LRIG2: variants seen among roughly 807,000 people sequenced by gnomAD.
LRIG2 encodes the protein leucine rich repeats and immunoglobulin like domains 2, also known as leucine-rich repeats and immunoglobulin-like domains protein 2.
In LRIG2, 93 loss-of-function variants were observed where a neutral mutation model predicts 107.8. The ratio of observed to expected loss-of-function variants is 0.86; its 90% CI spans 0.73 to 1.03. LRIG2 has a LOEUF of 1.03. LRIG2 is among the 50% of genes least tolerant of loss of function. LRIG2 has a pLI of 0.00. For synonymous variants in LRIG2, 471 were observed against 470.6 expected (o/e 1.00, Z -0.01); for missense variants, 1,226 against 1,296.0 (o/e 0.95, Z 0.83).
At chr1:113,075,748 T>G (rs1652950276) in intron 1 of LRIG2, among the ~76,000 whole-genome samples, 1 of 137,478 alleles carries the variant, frequency 7.3e-6, no homozygotes, top group Non-Finnish European at 1.5e-5. Context: ...CAGGCTGGAG[T>G]GCAATGGTGT....
At chr1:113,113,420 A>C (rs557181664) in intron 14 of LRIG2, among the ~76,000 whole-genome samples, 4 of 151,194 alleles carry the variant, frequency 2.6e-5, no homozygotes, top group African/African-American at 7.3e-5. Context: ...TCCAGGGTAA[A>C]TTCTACTTTC....
chr1:113,076,546 G>C (rs1652991595), intron 1 of LRIG2, among the ~76,000 whole-genome samples: 2 of 152,172 alleles, frequency 1.3e-5, no homozygotes, highest in African/African-American at 4.8e-5. Flanking sequence ...TACATTGGTA[G>C]AACTCTTAGA....
intron 1 of LRIG2, among the ~76,000 whole-genome samples, chr1:113,079,346 T>TAA (rs141538883): frequency 0.012 from 1,466 of 123,138 alleles, 15 homozygotes; most frequent in Non-Finnish European, 0.016. Context: ...AGATCCTATT[T>TAA]AAAAAAAAAA....
In LRIG2 at chr1:113,124,403, G is replaced by C. The variant is rs188025838; in HGVS notation, c.*302G>C. 4.8e-6 allele frequency: 2 copies of C among 419,194 alleles called. No homozygotes were observed. Among genetic ancestry groups the C allele is most frequent in the Admixed American group, 7.8e-5 (2 of 25,532 alleles). The allele number at this position is 419,194 out of a possible 1,614,324, so 26.0% of individuals were successfully genotyped here. On this transcript the variant is annotated 3_prime_UTR_variant, in exon 18 of 18. Transcript: ENST00000361127. ...GCCCTGGTGTGCATCTGCTTGTCAG[G>C]AAGAGTCACATTGCTGCTTAACATG... is the stretch of plus-strand genomic sequence containing the variant.
intron 9 of LRIG2, 108 bp from the exon 10 acceptor site, chr1:113,100,102 TA>T: frequency 1.8e-6 from 1 of 559,550 alleles, no homozygotes; most frequent in East Asian, 2.9e-5. Flanking sequence ...AGCTGTTAAG[TA>T]TATAAAAAAG....
At chr1:113,119,772 G>A (rs1212951299) in intron 17 of LRIG2, among the ~76,000 whole-genome samples, 1 of 152,098 alleles carries the variant, frequency 6.6e-6, no homozygotes, top group African/African-American at 2.4e-5. Flanking sequence ...AAAATTCAGA[G>A]GCCATACACA....
At chr1:113,088,082 G>T (rs1485269087) in intron 1 of LRIG2, among the ~76,000 whole-genome samples, 1 of 152,180 alleles carries the variant, frequency 6.6e-6, no homozygotes, top group Non-Finnish European at 1.5e-5. Flanking sequence ...ATGTATATTA[G>T]TTGCTTTCTA....
rs149083239 is a variant in LRIG2 at position 113,116,320 on chromosome 1, A to G, written c.2564A>G (p.Tyr855Cys). The G allele has an allele frequency of 3.2e-5, 51 of 1,613,714 alleles. No individual in the cohort carries two copies. The highest frequency in any genetic ancestry group is 4.2e-5 in the Non-Finnish European group (50 of 1,179,816). ...AATCTGCCTGCAGACATTCCCAGCT[A>G]CTTGTCTTCCCAAGGAACGCTGTCT... is the stretch of plus-strand genomic sequence containing the variant. Reference protein sequence around the residue: ...ELNLPADIPSYLSSQGTLSEP... With the variant: ...ELNLPADIPSCLSSQGTLSEP... Residue 855 changes from tyrosine to cysteine, a missense_variant, in exon 16 of 18, where the codon TAC becomes TGC. Physicochemically the swap from Tyr to Cys is radical, Grantham distance 194. Around this residue, in one of 3 missense-constraint regions of LRIG2, gnomAD observed 642 missense variants for 712.2 expected, o/e 0.90. Transcript: ENST00000361127.
intron 1 of LRIG2, among the ~76,000 whole-genome samples, chr1:113,084,978 A>G (rs949480627): frequency 1.3e-5 from 2 of 152,258 alleles, no homozygotes; most frequent in Non-Finnish European, 2.9e-5. Flanking sequence ...CAATTTAAGT[A>G]ATTACACTCT....
rs1322798175 is a variant in LRIG2 at position 113,125,757 on chromosome 1, T to C, written c.*1656T>C. The C allele has an allele frequency of 6.6e-6, 1 of 152,230 alleles. No individual in the cohort carries two copies. Among genetic ancestry groups the C allele is most frequent in the Non-Finnish European group, 1.5e-5 (1 of 68,042 alleles). 9.4% of individuals were successfully genotyped at this position (152,230 alleles called of 1,614,324 possible). A position where few individuals can be genotyped will look rare whatever the true frequency, so the allele number is the denominator to read the frequency against. On this transcript the variant is annotated 3_prime_UTR_variant, in exon 18 of 18. Coordinates refer to ENST00000361127, the MANE Select transcript of LRIG2 (RefSeq NM_014813.3). ...TACAAATCACTATCACTGTCCATAT[T>C]TGAGTCTGCAAATCTTGTCATTGTC...
chr1:113,117,671 A>G (rs1655075834), intron 16 of LRIG2, among the ~76,000 whole-genome samples: 1 of 151,770 alleles, frequency 6.6e-6, no homozygotes, highest in South Asian at 2.1e-4. Context: ...TTTAGTAGAG[A>G]CGGGTTTCAC....
intron 1 of LRIG2, among the ~76,000 whole-genome samples, chr1:113,086,874 G>A (rs976759233): frequency 2.0e-5 from 3 of 152,152 alleles, no homozygotes; most frequent in African/African-American, 7.2e-5. Flanking sequence ...TCAGATATTA[G>A]TGGTGTTAGA....
rs1655402053 is a variant in LRIG2 at position 113,124,388 on chromosome 1, G to A, written c.*287G>A. The A allele has an allele frequency of 6.7e-6, 3 of 448,644 alleles. No homozygotes were observed. The highest frequency in any genetic ancestry group is 2.4e-5 in the South Asian group (1 of 41,646). 27.8% of individuals were successfully genotyped at this position (448,644 alleles called of 1,614,324 possible). On this transcript the variant is annotated 3_prime_UTR_variant, in exon 18 of 18. Coordinates refer to ENST00000361127, the MANE Select transcript of LRIG2 (RefSeq NM_014813.3). Reference sequence around the variant, plus strand: ...CTTCCATGGGGATGTGCCCTGGTGTGCATCTGCTTGTCAGGAAGAGTCACA... The same window carrying A: ...CTTCCATGGGGATGTGCCCTGGTGTACATCTGCTTGTCAGGAAGAGTCACA...
chr1:113,123,228 A>G (rs1175913910), intron 17 of LRIG2, among the ~76,000 whole-genome samples: 1 of 152,268 alleles, frequency 6.6e-6, no homozygotes, highest in Non-Finnish European at 1.5e-5. Flanking sequence ...TCATTACAAT[A>G]TGGATACCAT....
At position 113,131,785 on chromosome 1, in the gene LRIG2, CAGT is replaced by C. The variant is rs754697902; in HGVS notation, c.*7689_*7691del. The C allele has an allele frequency of 6.8e-6, 1 of 147,976 alleles. No homozygotes were observed. The highest frequency in any genetic ancestry group is 1.5e-5 in the Non-Finnish European group (1 of 67,500). 9.2% of individuals were successfully genotyped at this position (147,976 alleles called of 1,614,324 possible). ...CCCAAGAATCATCTGAAGGTTTTGTCAGTAGTAAGGTAGGTTTTGTGTGTGTGT... is the reference window on the plus strand; with the variant it reads ...CCCAAGAATCATCTGAAGGTTTTGTCAGTAAGGTAGGTTTTGTGTGTGTGT... On this transcript the variant is annotated 3_prime_UTR_variant, in exon 18 of 18. Coordinates refer to ENST00000361127, the MANE Select transcript of LRIG2 (RefSeq NM_014813.3).
rs1350732425 is a variant in LRIG2 at position 113,107,514 on chromosome 1, G to A, written c.1314-80G>A. 10 of 1,267,696 alleles carry A rather than the reference G, an allele frequency of 7.9e-6. No individual in the cohort carries two copies. In the East Asian group the frequency reaches 2.2e-4, roughly 28 times the overall value. The allele number at this position is 1,267,696 out of a possible 1,614,324, so 78.5% of individuals were successfully genotyped here. A position where few individuals can be genotyped will look rare whatever the true frequency, so the allele number is the denominator to read the frequency against. ...TTTTTGGCAAGAATAATGGATAGGT[G>A]TGTGGTAAGGTTTTAATACTGAAGA... On this transcript the variant is annotated intron_variant, in intron 11 of 17. Transcript: ENST00000361127.
chr1:113,100,188 A>G (rs1557908174), intron 9 of LRIG2, 23 bp from the exon 10 acceptor site: 1 of 1,430,368 alleles, frequency 7.0e-7, no homozygotes, highest in East Asian at 2.3e-5. Context: ...GAGCTTTCTT[A>G]GAAAGATCTG....
chr1:113,100,240 T>A lies in LRIG2; in HGVS notation c.1202T>A (p.Ile401Asn), dbSNP rs1557908222. 1 of 1,589,118 alleles carries A rather than the reference T, an allele frequency of 6.3e-7. No homozygotes were observed. Among genetic ancestry groups the A allele is most frequent in the Non-Finnish European group, 8.6e-7 (1 of 1,162,012 alleles). The part of the protein sequence containing the change: ...LILQGNQIKS[I>N]TKKAFIGLES... ...TTACAAGGAAACCAGATTAAGTCAA[T>A]TACAAAGAAAGCATTCATTGGTCTT... The change falls in exon 10 of 18, where the codon ATT becomes AAT. Residue 401 changes from isoleucine (I) to asparagine (N), a missense_variant. Physicochemically the swap from Ile to Asn is moderately radical, Grantham distance 149. Transcript: ENST00000361127.
At chr1:113,115,529 ATT>A (rs56081345) in intron 15 of LRIG2, among the ~76,000 whole-genome samples, 337 of 141,436 alleles carry the variant, frequency 2.4e-3, no homozygotes, top group Middle Eastern at 3.5e-3. Context: ...GAATTTGTAA[ATT>A]TTTTTTTTTT....
Sources: allele counts gnomAD v4.1 joint callset (sites outside exome capture counted in the v4.1 genomes callset), GRCh38; gene constraint gnomAD v4.1.1; regional missense constraint gnomAD v4.1.1; transcripts MANE v1.5; gene names NCBI Gene and HGNC (gene_info 2026-07-23, HGNC 2026-07-21).